RAP1GDS1: variants seen among roughly 807,000 people sequenced by gnomAD.
RAP1GDS1 encodes the protein RAP1, GTP-GDP dissociation stimulator 1.
In RAP1GDS1, 35 loss-of-function variants were observed where a neutral mutation model predicts 71.1. The ratio of observed to expected loss-of-function variants is 0.49; its 90% CI spans 0.38 to 0.65. The LOEUF (loss-of-function observed/expected upper bound fraction) is 0.65. Among genes scored for constraint, RAP1GDS1 ranks in the 30% least tolerant of loss-of-function variants. RAP1GDS1 has a pLI of 0.00. For missense variants in RAP1GDS1, 663 were observed against 706.1 expected, an observed-to-expected ratio of 0.94 and a Z score of 0.69; for synonymous variants, 229 against 243.1, an observed-to-expected ratio of 0.94 and a Z score of 0.54.
chr4:98,378,149 G>T (rs1741450874), intron 4 of RAP1GDS1, among the ~76,000 whole-genome samples: 1 of 151,752 alleles, frequency 6.6e-6, no homozygotes, highest in African/African-American at 2.4e-5. Flanking sequence ...CTTCTAGAGG[G>T]TGGTTATATT....
chr4:98,341,199 CT>C (rs2110392582), intron 2 of RAP1GDS1, among the ~76,000 whole-genome samples: 1 of 152,198 alleles, frequency 6.6e-6, no homozygotes, highest in Admixed American at 6.5e-5. Flanking sequence ...AAAATAATTC[CT>C]GTTAGATTTT....
At chr4:98,386,738 G>A (rs1046117394) in intron 5 of RAP1GDS1, among the ~76,000 whole-genome samples, 3 of 151,790 alleles carry the variant, frequency 2.0e-5, no homozygotes, top group Non-Finnish European at 2.9e-5. Flanking sequence ...TCAACACTAG[G>A]CTTAGAATAA....
At chr4:98,308,331 A>ATATATATATATATATATC (rs1387647887) in intron 2 of RAP1GDS1, among the ~76,000 whole-genome samples, 2 of 137,424 alleles carry the variant, frequency 1.5e-5, no homozygotes, top group East Asian at 4.3e-4. Flanking sequence ...ATATATATAT[A>ATATATATATATATATATC]TGCGCCAGGC....
At chr4:98,306,703 T>C (rs1200852098) in intron 2 of RAP1GDS1, among the ~76,000 whole-genome samples, 1 of 152,206 alleles carries the variant, frequency 6.6e-6, no homozygotes, top group East Asian at 1.9e-4. Context: ...AATAAATAGA[T>C]TAGATAAATG....
chr4:98,427,681 G>A (rs1488841916), intron 12 of RAP1GDS1, among the ~76,000 whole-genome samples: 1 of 151,932 alleles, frequency 6.6e-6, no homozygotes, highest in Non-Finnish European at 1.5e-5. Flanking sequence ...GTTTTACAAG[G>A]AAAACTACAA....
chr4:98,374,098 A>T (rs1740810233), intron 4 of RAP1GDS1, among the ~76,000 whole-genome samples: 1 of 152,184 alleles, frequency 6.6e-6, no homozygotes, highest in Admixed American at 6.5e-5. Flanking sequence ...TGCAGAAAGT[A>T]AAACCATGGA....
chr4:98,315,758 G>A (rs904368338), intron 2 of RAP1GDS1, among the ~76,000 whole-genome samples: 1 of 152,040 alleles, frequency 6.6e-6, no homozygotes, highest in Non-Finnish European at 1.5e-5. Context: ...GTAAAAATCA[G>A]ATTGGTGTTT....
chr4:98,370,010 A>G (rs1740121245), intron 4 of RAP1GDS1, among the ~76,000 whole-genome samples: 1 of 152,226 alleles, frequency 6.6e-6, no homozygotes, highest in Non-Finnish European at 1.5e-5. Flanking sequence ...TCCAGGTAAA[A>G]GTAATTTCCT....
intron 1 of RAP1GDS1, among the ~76,000 whole-genome samples, chr4:98,263,813 A>T (rs1297327467): frequency 6.6e-6 from 1 of 152,166 alleles, no homozygotes; most frequent in African/African-American, 2.4e-5. Context: ...TAGTTGGGGG[A>T]TAAGCAGAAA....
chr4:98,433,797 A>AG, intron 12 of RAP1GDS1, 139 bp from the exon 13 acceptor site: 1 of 731,908 alleles, frequency 1.4e-6, no homozygotes, highest in Non-Finnish European at 2.0e-6. Flanking sequence ...TCTTCTGTGG[A>AG]GAAAAAAACT....
chr4:98,269,850 A>G (rs1039480533), intron 1 of RAP1GDS1, among the ~76,000 whole-genome samples: 1 of 152,198 alleles, frequency 6.6e-6, no homozygotes, highest in Non-Finnish European at 1.5e-5. Flanking sequence ...GGTCTAAAGC[A>G]TTTTGCATAA....
chr4:98,291,459 A>G (rs767419096), intron 1 of RAP1GDS1, among the ~76,000 whole-genome samples: 2 of 152,170 alleles, frequency 1.3e-5, no homozygotes, highest in Non-Finnish European at 2.9e-5. Context: ...CTGGAATTAC[A>G]CAAAAAGTAA....
intron 2 of RAP1GDS1, among the ~76,000 whole-genome samples, chr4:98,342,806 A>G (rs968528297): frequency 3.9e-5 from 6 of 152,224 alleles, no homozygotes; most frequent in Admixed American, 1.3e-4. Context: ...AGATGTAGAA[A>G]AAAAGCATTT....
At position 98,275,758 on chromosome 4, in the gene RAP1GDS1, G is replaced by A. The variant is rs75021208; in HGVS notation, c.4+14189G>A. On this transcript the variant is annotated intron_variant, in intron 1 of 14. Coordinates refer to ENST00000408927, the MANE Select transcript of RAP1GDS1 (RefSeq NM_001100427.2). ...AAGTGAATGATACCACCATTCATCC[G>A]TGCAACTGTTCCTAAAATCTGGAGT... is the stretch of plus-strand genomic sequence containing the variant. 1.3e-3 allele frequency among the ~76,000 whole-genome samples: 205 copies of A among 152,110 alleles called. 1 individual carries two copies. Among genetic ancestry groups the A allele is most frequent in the East Asian group, 0.011 (55 of 5,172 alleles).
At chr4:98,433,628 G>A (rs1204524288) in intron 12 of RAP1GDS1, among the ~76,000 whole-genome samples, 1 of 152,094 alleles carries the variant, frequency 6.6e-6, no homozygotes, top group African/African-American at 2.4e-5. Flanking sequence ...CAATCCTAAG[G>A]TAGGTCAACA....
intron 5 of RAP1GDS1, chr4:98,379,609 GT>G (rs141293778): frequency 0.053 from 8,069 of 152,044 alleles, 530 homozygotes; most frequent in African/African-American, 0.16. Context: ...TTAGAAACAA[GT>G]TCAGAGCAAC....
intron 3 of RAP1GDS1, among the ~76,000 whole-genome samples, chr4:98,350,427 C>T (rs1401500374): frequency 1.3e-5 from 2 of 152,094 alleles, no homozygotes; most frequent in East Asian, 1.9e-4. Flanking sequence ...GAAATCTAGT[C>T]CAGGCCTGGT....
intron 1 of RAP1GDS1, among the ~76,000 whole-genome samples, chr4:98,292,276 T>G (rs577687878): frequency 8.5e-5 from 13 of 152,120 alleles, no homozygotes; most frequent in African/African-American, 3.1e-4. Context: ...TACAGGCACA[T>G]GCCACCATAT....
intron 6 of RAP1GDS1, among the ~76,000 whole-genome samples, chr4:98,393,755 A>G (rs184960054): frequency 6.3e-4 from 96 of 152,354 alleles, no homozygotes; most frequent in South Asian, 5.2e-3. Flanking sequence ...AGTATAAAAT[A>G]CACAATCGAT....
Sources: allele counts gnomAD v4.1 joint callset (sites outside exome capture counted in the v4.1 genomes callset), GRCh38; gene constraint gnomAD v4.1.1; transcripts MANE v1.5; gene names NCBI Gene and HGNC (gene_info 2026-07-23, HGNC 2026-07-21).